The following RAI1 variants were observed in gnomAD, a reference collection of about 807,000 sequenced individuals.
RAI1 encodes retinoic acid induced 1.
In RAI1, 9 loss-of-function variants were observed where a neutral mutation model predicts 123.8. The observed-to-expected ratio is 0.07, with a 90% CI of 0.04 to 0.13. RAI1 has a LOEUF of 0.13. Among genes scored for constraint, RAI1 ranks in the 10% least tolerant of loss-of-function variants. The probability of loss-of-function intolerance (pLI) is 1.00; values close to 1 mark genes in which losing one functional copy is unlikely to be tolerated. For synonymous variants in RAI1, 1,231 were observed against 1,127.3 expected (o/e 1.09, Z -1.84); for missense variants, 2,256 against 2,545.8 (o/e 0.89, Z 2.45).
At chr17:17,770,413 C>T (rs960803184) in intron 2 of RAI1, among the ~76,000 whole-genome samples, 1 of 152,142 alleles carries the variant, frequency 6.6e-6, no homozygotes, top group African/African-American at 2.4e-5. Flanking sequence ...GAGATGCTGG[C>T]GGCTGAGCTG....
intron 2 of RAI1, among the ~76,000 whole-genome samples, chr17:17,727,937 C>G (rs908429606): frequency 1.3e-5 from 2 of 152,014 alleles, no homozygotes; most frequent in Non-Finnish European, 2.9e-5. Flanking sequence ...ACTTTCTGCC[C>G]CCTCCCCTGC....
intron 3 of RAI1, among the ~76,000 whole-genome samples, chr17:17,802,701 G>A (rs534543312): frequency 5.9e-5 from 9 of 151,880 alleles, no homozygotes; most frequent in East Asian, 3.9e-4. Flanking sequence ...GCGTGAACCC[G>A]GGAGGCGGAG....
intron 2 of RAI1, among the ~76,000 whole-genome samples, chr17:17,762,104 C>T (rs2142992574): frequency 6.6e-6 from 1 of 152,282 alleles, no homozygotes; most frequent in South Asian, 2.1e-4. Context: ...TATGCCCTGA[C>T]AAGACAGATG....
At chr17:17,722,412 C>T (rs371942245) in intron 1 of RAI1, among the ~76,000 whole-genome samples, 1 of 152,340 alleles carries the variant, frequency 6.6e-6, no homozygotes, top group South Asian at 2.1e-4. Flanking sequence ...CCTGTGGCGC[C>T]TAATTACGTG....
At chr17:17,777,357 C>T (rs891670521) in intron 2 of RAI1, 2 of 152,248 alleles carry the variant, frequency 1.3e-5, no homozygotes, top group Non-Finnish European at 2.9e-5. Flanking sequence ...TACAAATACT[C>T]AAGGGCCTGG....
Position 17,793,095 on chromosome 17 carries a change from C to T in RAI1, c.147C>T (p.Asp49=), listed in dbSNP as rs1166756904. 1.9e-6 allele frequency: 3 copies of T among 1,614,148 alleles called. No homozygotes were observed. The highest frequency in any genetic ancestry group is 1.7e-5 in the Admixed American group (1 of 60,028). Residue 49 remains aspartate (D), a synonymous_variant, in exon 3 of 6, where the codon GAC becomes GAT. Coordinates refer to ENST00000353383, the MANE Select transcript of RAI1 (RefSeq NM_030665.4). ...ACCGGCAGCGGCTGCTCGCCAAGGA[C>T]TATTATAACCCGCAGCCTTACCCGA... The part of the protein sequence containing the change: ...SCDRQRLLAK[D]YYNPQPYPSY...
intron 2 of RAI1, among the ~76,000 whole-genome samples, chr17:17,754,017 G>A (rs573350207): frequency 1.3e-5 from 2 of 152,242 alleles, no homozygotes; most frequent in Admixed American, 6.5e-5. Flanking sequence ...TTTGGGGAAA[G>A]GCCTCCATGC....
chr17:17,683,906 CTG>C (rs1206269066), intron 1 of RAI1: 1 of 152,282 alleles, frequency 6.6e-6, no homozygotes, highest in African/African-American at 2.4e-5. Context: ...CAGGGTCTTG[CTG>C]TGTGGCCCAG....
At chr17:17,756,672 C>T (rs558509761) in intron 2 of RAI1, among the ~76,000 whole-genome samples, 2 of 152,288 alleles carry the variant, frequency 1.3e-5, no homozygotes, top group East Asian at 1.9e-4. Context: ...GCGCCTACTA[C>T]GTGCTAATCT....
chr17:17,704,317 T>C lies in RAI1; in HGVS notation c.-148-19711T>C, dbSNP rs199879565. On this transcript the variant is annotated intron_variant, in intron 1 of 5. Coordinates refer to ENST00000353383, the MANE Select transcript of RAI1 (RefSeq NM_030665.4). ...ACTGCTCCCTCTGGGCCTGTCTCTTTCTCAGCAGAATCTGGGACTGGCCAC... is the reference window on the plus strand; with the variant it reads ...ACTGCTCCCTCTGGGCCTGTCTCTTCCTCAGCAGAATCTGGGACTGGCCAC... 4.8e-4 allele frequency among the ~76,000 whole-genome samples: 73 copies of C among 152,300 alleles called. 1 individual carries two copies. In the East Asian group the frequency reaches 0.012, roughly 25 times the overall value.
Position 17,801,200 on chromosome 17 carries a change from C to A in RAI1, c.5566-2556C>A, listed in dbSNP as rs1001584918. ...GCCCTTCCCCCAAAGCCATCATAGA[C>A]CCCTACCTCCTATCCAGATGGAGCC... On this transcript the variant is annotated intron_variant, in intron 3 of 5. Coordinates refer to ENST00000353383, the MANE Select transcript of RAI1 (RefSeq NM_030665.4). This position sits in a 1 kb window ranked among gnomAD's most constrained non-coding sequence, Gnocchi z 4.1. Among the ~76,000 whole-genome samples, 2 of 152,160 alleles carry A rather than the reference C, an allele frequency of 1.3e-5. No individual in the cohort carries two copies. The highest frequency in any genetic ancestry group is 2.1e-4 in the South Asian group (1 of 4,830).
chr17:17,769,323 A>G (rs1486456150), intron 2 of RAI1, among the ~76,000 whole-genome samples: 1 of 152,186 alleles, frequency 6.6e-6, no homozygotes, highest in Non-Finnish European at 1.5e-5. Context: ...AGAGGGAGAC[A>G]AGGTGAGGCT....
intron 1 of RAI1, among the ~76,000 whole-genome samples, chr17:17,718,609 G>A (rs953155495): frequency 1.1e-4 from 16 of 152,146 alleles, no homozygotes; most frequent in Admixed American, 2.0e-4. Context: ...TTCCATAAAC[G>A]TATACCAAAG....
chr17:17,685,283 GT>G lies in RAI1; in HGVS notation c.-149+3493del, dbSNP rs1914590591. On this transcript the variant is annotated intron_variant, in intron 1 of 5. Transcript: ENST00000353383. The surrounding 1 kb of genome is among the most constrained non-coding windows in gnomAD (Gnocchi z 4.0). ...AACAGGGATTTTCCAAGGACCCACT[GT>G]TTCCAAAGTTCTGTGCTTAATGTCG... Among the ~76,000 whole-genome samples, 3 of 152,366 alleles carry G rather than the reference GT, an allele frequency of 2.0e-5. 1 individual carries two copies. In the South Asian group the frequency reaches 6.2e-4, roughly 32 times the overall value.
At chr17:17,730,480 G>A (rs1024122351) in intron 2 of RAI1, among the ~76,000 whole-genome samples, 24 of 152,216 alleles carry the variant, frequency 1.6e-4, no homozygotes, top group African/African-American at 5.3e-4. Context: ...AGCCCATGGC[G>A]CCTGTTGCCC....
In RAI1 at chr17:17,807,645, G is replaced by A. The variant is rs372837612; in HGVS notation, c.5660-1745G>A. ...GGCCTTGCCCAGTGACTCCCGCCCC[G>A]TGCCCCATGTGGGGTGGTGCTGGGG... On this transcript the variant is annotated intron_variant, in intron 4 of 5. Transcript: ENST00000353383. Among the ~76,000 whole-genome samples, 6 of 152,206 alleles carry A rather than the reference G, an allele frequency of 3.9e-5. No individual in the cohort carries two copies. The East Asian group carries it at 7.7e-4, about 20-fold the overall frequency.
chr17:17,683,710 T>C (rs1914524212), intron 1 of RAI1: 1 of 152,140 alleles, frequency 6.6e-6, no homozygotes, highest in African/African-American at 2.4e-5. Context: ...CAAGGTGAGA[T>C]CCAGGCCCCA....
At chr17:17,789,699 A>G (rs763575325) in intron 2 of RAI1, among the ~76,000 whole-genome samples, 13 of 152,174 alleles carry the variant, frequency 8.5e-5, no homozygotes, top group Non-Finnish European at 2.9e-5. Flanking sequence ...TGAAGTGTTC[A>G]TGTATCTGGT....
At chr17:17,761,250 CTT>C (rs56047340) in intron 2 of RAI1, among the ~76,000 whole-genome samples, 2,611 of 145,800 alleles carry the variant, frequency 0.018, 62 homozygotes, top group African/African-American at 0.054. Flanking sequence ...TCTTCTAAGG[CTT>C]TTTTTTTTTT....
Sources: gnomAD v4.1 joint callset for allele counts (sites outside exome capture counted in the v4.1 genomes callset) on GRCh38, gnomAD v4.1.1 for gene constraint, Gnocchi (gnomAD v3.1) non-coding constraint, MANE v1.5 for transcripts, NCBI Gene and HGNC (gene_info 2026-07-23, HGNC 2026-07-21) for gene names.